The following GRPEL1 variants were observed in gnomAD, a reference collection of about 807,000 sequenced individuals.
GRPEL1 encodes the protein grpE protein homolog 1, mitochondrial.
A neutral mutation model predicts 22.1 loss-of-function variants in GRPEL1; 13 were observed. The ratio of observed to expected loss-of-function variants is 0.59; its 90% CI spans 0.38 to 0.94. GRPEL1 has a LOEUF of 0.94. GRPEL1 is among the 40% of genes least tolerant of loss of function. GRPEL1 has a pLI of 0.00. For synonymous variants in GRPEL1, 109 were observed against 105.3 expected, an observed-to-expected ratio of 1.03 and a Z score of -0.21; for missense variants, 289 against 264.6, an observed-to-expected ratio of 1.09 and a Z score of -0.64.
intron 3 of GRPEL1, chr4:7,062,105 G>C: frequency 8.6e-6 from 2 of 233,596 alleles, no homozygotes; most frequent in Middle Eastern, 1.3e-3. Context: ...GGGCTAAGGG[G>C]ATGGGCATCA....
rs1723973857 is a variant in GRPEL1, at chr4:7,059,219, G to A, written c.*1643C>T. 6.6e-6 allele frequency: 1 copy of A among 152,212 alleles called. No individual in the cohort carries two copies. Among genetic ancestry groups the A allele is most frequent in the Non-Finnish European group, 1.5e-5 (1 of 68,044 alleles). The allele number at this position is 152,212 out of a possible 1,614,324, so 9.4% of individuals were successfully genotyped here. The stretch of plus-strand genomic sequence containing the variant: ...AATTCTGGTTCTAAGCATTTCAGAT[G>A]ATAACCAACTTATAGTGACTATGGA... On this transcript the variant is annotated 3_prime_UTR_variant, in exon 4 of 4. Coordinates refer to ENST00000264954, the MANE Select transcript of GRPEL1 (RefSeq NM_025196.4).
intron 1 of GRPEL1, among the ~76,000 whole-genome samples, chr4:7,066,011 G>A (rs1430697562): frequency 4.6e-5 from 7 of 152,048 alleles, no homozygotes; most frequent in Non-Finnish European, 8.8e-5. Flanking sequence ...CCACCAACAC[G>A]CTCGGCTAAT....
intron 3 of GRPEL1, chr4:7,061,532 G>A (rs1724042330): frequency 3.5e-6 from 1 of 282,946 alleles, no homozygotes; most frequent in Non-Finnish European, 6.7e-6. Context: ...GAAGATCCGA[G>A]TTTGAAGCTG....
At position 7,062,485 on chromosome 4, in the gene GRPEL1, GATATTT is replaced by G. The variant is rs768261682; in HGVS notation, c.226-25_226-20del. On this transcript the variant is annotated intron_variant, in intron 2 of 3. Transcript: ENST00000264954. ...ATTTTTCCTAAAAGAGAAAAAAAGG[GATATTT>G]ATATATATATATATATATATATATC... is the stretch of plus-strand genomic sequence containing the variant. 17 of 380,486 alleles carry G rather than the reference GATATTT, an allele frequency of 4.5e-5. No individual in the cohort carries two copies. The African/African-American group carries it at 5.4e-4, about 12-fold the overall frequency. The allele number at this position is 380,486 out of a possible 1,614,324, so 23.6% of individuals were successfully genotyped here. A position where few individuals can be genotyped will look rare whatever the true frequency, so the allele number is the denominator to read the frequency against.
intron 1 of GRPEL1, among the ~76,000 whole-genome samples, chr4:7,064,701 G>T (rs1046722178): frequency 6.6e-6 from 1 of 152,086 alleles, no homozygotes; most frequent in Non-Finnish European, 1.5e-5. Context: ...GTTTCACTAT[G>T]TTGGCCAGGC....
At position 7,060,717 on chromosome 4, in the gene GRPEL1, C is replaced by G. The variant is rs1261586322; in HGVS notation, c.*145G>C. 1.3e-6 allele frequency: 1 copy of G among 742,982 alleles called. No homozygotes were observed. Among genetic ancestry groups the G allele is most frequent in the African/African-American group, 1.8e-5 (1 of 57,080 alleles). 46.0% of individuals were successfully genotyped at this position (742,982 alleles called of 1,614,324 possible). A position where few individuals can be genotyped will look rare whatever the true frequency, so the allele number is the denominator to read the frequency against. ...AGAGTTCATTAATGCAGTTGGGCAA[C>G]CGGCTTTTCTGTTTAGCCACTGGTT... On this transcript the variant is annotated 3_prime_UTR_variant, in exon 4 of 4. Coordinates refer to ENST00000264954, the MANE Select transcript of GRPEL1 (RefSeq NM_025196.4).
At chr4:7,061,446 G>A in intron 3 of GRPEL1, 1 of 487,002 alleles carries the variant, frequency 2.1e-6, no homozygotes, top group Non-Finnish European at 3.6e-6. Flanking sequence ...AAGGAGTGCA[G>A]TAGAGGGGAA....
intron 1 of GRPEL1, among the ~76,000 whole-genome samples, chr4:7,067,053 A>C (rs1007607752): frequency 6.6e-6 from 1 of 152,186 alleles, no homozygotes. Context: ...CTTACCCCTT[A>C]ATCACCTAGA....
At chr4:7,062,292 C>A in intron 3 of GRPEL1, 93 bp downstream of exon 3, 1 of 469,702 alleles carries the variant, frequency 2.1e-6, no homozygotes, top group Non-Finnish European at 4.1e-6. Context: ...CACCCCACAG[C>A]CTTGCTCTCT....
Position 7,067,614 on chromosome 4 carries a change from T to G in GRPEL1, c.62+357A>C, listed in dbSNP as rs1724201522. ...CTTCTTCAACCGCACAAGTTGCGGCTGCCTCTGCGCCCGTGAGCGCCGAGA... is the reference window on the plus strand; with the variant it reads ...CTTCTTCAACCGCACAAGTTGCGGCGGCCTCTGCGCCCGTGAGCGCCGAGA... On this transcript the variant is annotated intron_variant, in intron 1 of 3. Coordinates refer to ENST00000264954, the MANE Select transcript of GRPEL1 (RefSeq NM_025196.4). 3 of 344,260 alleles carry G rather than the reference T, an allele frequency of 8.7e-6. No homozygotes were observed. The South Asian group carries it at 1.3e-4, about 15-fold the overall frequency. The allele number at this position is 344,260 out of a possible 1,614,324, so 21.3% of individuals were successfully genotyped here.
chr4:7,060,928 T>C lies in GRPEL1; in HGVS notation c.588A>G (p.Lys196=). Residue 196 remains lysine (K), a synonymous_variant, in exon 4 of 4, where the codon AAA becomes AAG. Transcript: ENST00000264954. The stretch of plus-strand genomic sequence containing the variant: ...TGCGCCCATGCAGCTTGTACCCCAC[T>C]TTGCTAACTAGGGCCACTGTGCCTG... ...KEPGTVALVS[K]VGYKLHGRTL... 6.2e-7 allele frequency: 1 copy of C among 1,614,150 alleles called. No individual in the cohort carries two copies. The highest frequency in any genetic ancestry group is 2.2e-5 in the East Asian group (1 of 44,876).
intron 1 of GRPEL1, among the ~76,000 whole-genome samples, chr4:7,067,193 A>G (rs1188835247): frequency 6.6e-6 from 1 of 152,138 alleles, no homozygotes; most frequent in East Asian, 1.9e-4. Context: ...CACTTCCTCC[A>G]GCAAGTACTT....
intron 1 of GRPEL1, among the ~76,000 whole-genome samples, chr4:7,065,024 T>G (rs922770575): frequency 3.9e-5 from 6 of 152,178 alleles, no homozygotes; most frequent in Admixed American, 1.3e-4. Flanking sequence ...GTTACAGTAC[T>G]TGGTACAGAA....
Position 7,061,272 on chromosome 4 carries a change from A to C in GRPEL1, c.308-64T>G, listed in dbSNP as rs1724036089. 1.7e-5 allele frequency: 22 copies of C among 1,319,828 alleles called. 1 individual carries two copies. In the South Asian group the frequency reaches 2.5e-4, roughly 15 times the overall value. 81.8% of individuals were successfully genotyped at this position (1,319,828 alleles called of 1,614,324 possible). Reference sequence around the variant, plus strand: ...AACCGCACAGGGCAATTCCAAACTGAGCACTGCTGACCTGATGTGGAGGCT... The same window carrying C: ...AACCGCACAGGGCAATTCCAAACTGCGCACTGCTGACCTGATGTGGAGGCT... On this transcript the variant is annotated intron_variant, in intron 3 of 3. Coordinates refer to ENST00000264954, the MANE Select transcript of GRPEL1 (RefSeq NM_025196.4).
Position 7,060,813 on chromosome 4 carries a change from T to G in GRPEL1, c.*49A>C. 139 of 1,467,558 alleles carry G rather than the reference T, an allele frequency of 9.5e-5. No individual in the cohort carries two copies. The highest frequency in any genetic ancestry group is 1.8e-4 in the Middle Eastern group (1 of 5,560). The allele number at this position is 1,467,558 out of a possible 1,614,324, so 90.9% of individuals were successfully genotyped here. A position where few individuals can be genotyped will look rare whatever the true frequency, so the allele number is the denominator to read the frequency against. ...TAGATGAGAAACAATGAACCAGCCT[T>G]GAGAGTTACATCAAGTGAGTTTAAA... On this transcript the variant is annotated 3_prime_UTR_variant, in exon 4 of 4. Coordinates refer to ENST00000264954, the MANE Select transcript of GRPEL1 (RefSeq NM_025196.4).
rs1723992826 is a variant in GRPEL1, at chr4:7,059,753, C to G, written c.*1109G>C. The G allele has an allele frequency of 6.6e-6, 1 of 152,254 alleles. No individual in the cohort carries two copies. The allele number at this position is 152,254 out of a possible 1,614,324, so 9.4% of individuals were successfully genotyped here. On this transcript the variant is annotated 3_prime_UTR_variant, in exon 4 of 4. Transcript: ENST00000264954. ...CAGACGCCAATCATTCAGCCTTTTT[C>G]TAAGCCCTGGATGACCGTGTAAATG...
intron 1 of GRPEL1, among the ~76,000 whole-genome samples, chr4:7,064,745 C>T (rs191296577): frequency 5.3e-5 from 8 of 152,240 alleles, no homozygotes; most frequent in Admixed American, 3.3e-4. Flanking sequence ...GTGATCTGCC[C>T]GCGTTGGCCT....
At chr4:7,062,510 A>C (rs907759174) in intron 2 of GRPEL1, 44 bp from the exon 3 acceptor site, 3 of 312,448 alleles carry the variant, frequency 9.6e-6, no homozygotes, top group East Asian at 1.8e-4. Flanking sequence ...ATATATATAT[A>C]TATATCTTTT....
chr4:7,061,384 G>A (rs1469149296), intron 3 of GRPEL1, 176 bp from the exon 4 acceptor site: 1 of 583,230 alleles, frequency 1.7e-6, no homozygotes, highest in Non-Finnish European at 3.0e-6. Flanking sequence ...AAAGCTACTT[G>A]TGGGATGAGA....
Sources: allele counts gnomAD v4.1 joint callset (sites outside exome capture counted in the v4.1 genomes callset), GRCh38; gene constraint gnomAD v4.1.1; transcripts MANE v1.5; gene names NCBI Gene and HGNC (gene_info 2026-07-23, HGNC 2026-07-21).